BCAS1: variants seen among roughly 807,000 people sequenced by gnomAD.
The protein encoded by BCAS1 is breast carcinoma-amplified sequence 1.
Under a neutral mutation model 65.4 loss-of-function variants are expected in BCAS1, and 46 were observed. The ratio of observed to expected loss-of-function variants is 0.70; its 90% confidence interval spans 0.55 to 0.90. BCAS1 has a LOEUF of 0.90. BCAS1 is among the 40% of genes least tolerant of loss of function. The pLI is 0.00. For missense variants in BCAS1, 793 were observed against 771.2 expected (o/e 1.03, Z -0.33); for synonymous variants, 298 against 293.5 (o/e 1.02, Z -0.16).
At position 53,971,151 on chromosome 20, in the gene BCAS1, T is replaced by C. The variant is rs147317748; in HGVS notation, c.1318-4078A>G. ...ATTATTTACCCTACCTTCCTGTAAA[T>C]GAATTACACACCTGTGCCCATTGAT... On this transcript the variant is annotated intron_variant, in intron 9 of 12. Coordinates refer to ENST00000688948, the MANE Select transcript of BCAS1 (RefSeq NM_001366298.2). 2.5e-3 allele frequency among the ~76,000 whole-genome samples: 386 copies of C among 152,372 alleles called. 2 individuals carry two copies. The highest frequency in any genetic ancestry group is 9.1e-3 in the African/African-American group (379 of 41,588).
intron 4 of BCAS1, among the ~76,000 whole-genome samples, chr20:54,017,022 T>C (rs989747506): frequency 3.3e-5 from 5 of 152,226 alleles, no homozygotes; most frequent in African/African-American, 9.7e-5. Flanking sequence ...CTTAGCATGG[T>C]ACATCATCAT....
At chr20:53,970,945 A>G (rs994750155) in intron 9 of BCAS1, among the ~76,000 whole-genome samples, 12 of 151,688 alleles carry the variant, frequency 7.9e-5, no homozygotes, top group African/African-American at 2.9e-4. Flanking sequence ...CTCAGTAACT[A>G]TTCTCTCTCA....
At chr20:54,046,843 CAA>C (rs74179264) in intron 3 of BCAS1, among the ~76,000 whole-genome samples, 6 of 117,764 alleles carry the variant, frequency 5.1e-5, no homozygotes, top group East Asian at 2.5e-4. Flanking sequence ...GACTCTGTCT[CAA>C]AAAAAAAAAA....
chr20:53,996,149 C>G, intron 4 of BCAS1, 99 bp from the exon 5 acceptor site: 1 of 1,291,560 alleles, frequency 7.7e-7, no homozygotes, highest in Non-Finnish European at 1.1e-6. Context: ...CCCCTAATTC[C>G]AGCCATACTT....
intron 3 of BCAS1, among the ~76,000 whole-genome samples, chr20:54,045,340 TTGAAGTAC>T (rs2092083688): frequency 6.6e-6 from 1 of 152,160 alleles, no homozygotes; most frequent in Admixed American, 6.5e-5. Flanking sequence ...TGTCTATACC[TTGAAGTAC>T]ATTGTAGCTT....
At chr20:54,060,138 G>A (rs543657372) in intron 1 of BCAS1, among the ~76,000 whole-genome samples, 1 of 152,320 alleles carries the variant, frequency 6.6e-6, no homozygotes, top group African/African-American at 2.4e-5. Flanking sequence ...TCCTCTCTCT[G>A]CCCCTTGTAG....
At chr20:54,004,241 G>T (rs117341336) in intron 4 of BCAS1, among the ~76,000 whole-genome samples, 2,730 of 152,280 alleles carry the variant, frequency 0.018, 29 homozygotes, top group Non-Finnish European at 0.024. Context: ...ATTCCAGGGT[G>T]CAATGAGAAG....
intron 6 of BCAS1, among the ~76,000 whole-genome samples, chr20:53,992,979 G>C (rs2090803047): frequency 2.0e-5 from 3 of 152,132 alleles, no homozygotes; most frequent in African/African-American, 7.2e-5. Flanking sequence ...GATAGTTGTA[G>C]ATATCTAAAT....
At chr20:54,057,018 T>A (rs558822317) in intron 3 of BCAS1, among the ~76,000 whole-genome samples, 96 of 152,318 alleles carry the variant, frequency 6.3e-4, no homozygotes, top group African/African-American at 1.9e-3. Flanking sequence ...AAGCTAGCAA[T>A]CTGATTGCAG....
At chr20:54,049,162 T>C (rs955479363) in intron 3 of BCAS1, among the ~76,000 whole-genome samples, 3 of 152,216 alleles carry the variant, frequency 2.0e-5, no homozygotes, top group African/African-American at 7.2e-5. Context: ...CAGGAGCACT[T>C]TTCTCAAGTT....
intron 10 of BCAS1, among the ~76,000 whole-genome samples, chr20:53,959,516 A>T (rs2089809326): frequency 6.6e-6 from 1 of 152,084 alleles, no homozygotes; most frequent in Non-Finnish European, 1.5e-5. Flanking sequence ...GGCCTCCCAA[A>T]GTGTTAGGAT....
intron 8 of BCAS1, 133 bp from the exon 9 acceptor site, chr20:53,975,563 C>T (rs1315794657): frequency 3.3e-5 from 16 of 481,106 alleles, no homozygotes; most frequent in Non-Finnish European, 5.7e-5. Context: ...AGGTACACCT[C>T]CTTCTAAAAA....
rs900202982 is a variant in BCAS1 at position 54,041,710 on chromosome 20, T to C, written c.143-12738A>G. Among the ~76,000 whole-genome samples, 9 of 151,908 alleles carry C rather than the reference T, an allele frequency of 5.9e-5. 1 individual carries two copies. The highest frequency in any genetic ancestry group is 2.2e-4 in the African/African-American group (9 of 41,452). ...CAGCCTGGCCAACATGGTGAAACAC[T>C]GTCTCTGCTAAAAAACAAAACAAAA... On this transcript the variant is annotated intron_variant, in intron 3 of 12. Transcript: ENST00000688948.
intron 8 of BCAS1, among the ~76,000 whole-genome samples, chr20:53,983,883 G>T (rs1293358259): frequency 6.6e-6 from 1 of 152,012 alleles, no homozygotes; most frequent in Non-Finnish European, 1.5e-5. Flanking sequence ...ACCTAGCTCT[G>T]CCACTCCTAC....
intron 6 of BCAS1, 124 bp downstream of exon 6, chr20:53,994,888 T>TATACACACACAC: frequency 1.8e-6 from 1 of 556,208 alleles, no homozygotes; most frequent in Non-Finnish European, 3.1e-6. Flanking sequence ...ATAGATATGA[T>TATACACACACAC]ACACACACAC....
chr20:53,963,210 A>T (rs2089935327), intron 10 of BCAS1, among the ~76,000 whole-genome samples: 1 of 151,468 alleles, frequency 6.6e-6, no homozygotes, highest in South Asian at 2.1e-4. Context: ...AGCTGGATGC[A>T]GTGGCTCATG....
chr20:54,028,828 A>G lies in BCAS1; in HGVS notation c.287T>C (p.Phe96Ser). The G allele has an allele frequency of 1.2e-6, 2 of 1,614,048 alleles. No individual in the cohort carries two copies. The highest frequency in any genetic ancestry group is 8.5e-7 in the Non-Finnish European group (1 of 1,179,994). ...PEAPAAKSRF[F>S]LMLSRPVPGR... Reference sequence around the variant, plus strand: ...TGGTACAGGCCGAGAGAGCATCAAGAAAAAACGAGATTTAGCAGCTGGTGC... The same window carrying G: ...TGGTACAGGCCGAGAGAGCATCAAGGAAAAACGAGATTTAGCAGCTGGTGC... Residue 96 changes from phenylalanine (F) to serine (S), a missense_variant, in exon 4 of 13, where the codon TTC becomes TCC. Coordinates refer to ENST00000688948, the MANE Select transcript of BCAS1 (RefSeq NM_001366298.2).
intron 12 of BCAS1, among the ~76,000 whole-genome samples, chr20:53,946,857 G>A (rs918897294): frequency 7.9e-5 from 12 of 151,230 alleles, no homozygotes; most frequent in African/African-American, 2.7e-4. Flanking sequence ...TATGTACATA[G>A]TGTCATATGG....
chr20:54,029,210 T>A, intron 3 of BCAS1: 1 of 985,418 alleles, frequency 1.0e-6, no homozygotes, highest in Non-Finnish European at 1.2e-6. Flanking sequence ...AGTCACTAGC[T>A]GCCAGGTGTG....
Sources: allele counts gnomAD v4.1 joint callset (sites outside exome capture counted in the v4.1 genomes callset), GRCh38; gene constraint gnomAD v4.1.1; transcripts MANE v1.5; gene names NCBI Gene and HGNC (gene_info 2026-07-23, HGNC 2026-07-21).